PRSS23: variants seen among roughly 807,000 people sequenced by gnomAD.
The protein encoded by PRSS23 is serine protease 23, also known as protease, serine 23.
A neutral mutation model predicts 34.7 loss-of-function variants in PRSS23; 25 were observed. That is an observed-to-expected ratio of 0.72 (90% confidence interval 0.53 to 1.01). PRSS23 has a LOEUF of 1.01. Ranked by LOEUF, PRSS23 falls within the 50% of genes least tolerant of loss-of-function variation. PRSS23 has a pLI of 0.00. For missense variants in PRSS23, 445 were observed against 475.6 expected (o/e 0.94, Z 0.60); for synonymous variants, 176 against 186.6 (o/e 0.94, Z 0.46).
chr11:86,875,664 G>A (rs535265436), intron 2 of PRSS23, among the ~76,000 whole-genome samples: 224 of 152,282 alleles, frequency 1.5e-3, no homozygotes, highest in Non-Finnish European at 1.8e-3. Context: ...AAGCAACTGC[G>A]TAATATAGAA....
At chr11:86,854,094 G>T (rs564775428) in intron 2 of PRSS23, among the ~76,000 whole-genome samples, 1 of 152,108 alleles carries the variant, frequency 6.6e-6, no homozygotes, top group African/African-American at 2.4e-5. Flanking sequence ...TCCGCCTCCC[G>T]GGTTCAAGCC....
intron 2 of PRSS23, among the ~76,000 whole-genome samples, chr11:86,868,932 C>T (rs960033458): frequency 6.6e-6 from 1 of 152,152 alleles, no homozygotes; most frequent in African/African-American, 2.4e-5. Flanking sequence ...CCACCTCAGC[C>T]TTCTGAGTAG....
At chr11:86,799,011 A>T (rs1219481370), upstream of PRSS23, among the ~76,000 whole-genome samples, 1 of 152,196 alleles carries the variant, frequency 6.6e-6, no homozygotes, top group Non-Finnish European at 1.5e-5. Flanking sequence ...TCTATATATT[A>T]ATGTGACATT....
chr11:86,882,306 G>T (rs1010549018), intron 2 of PRSS23, among the ~76,000 whole-genome samples: 2 of 152,158 alleles, frequency 1.3e-5, no homozygotes, highest in East Asian at 1.9e-4. Context: ...TCATCACCCA[G>T]GTATTAAGTC....
chr11:86,920,888 C>T (rs1337215535), intron 2 of PRSS23, among the ~76,000 whole-genome samples: 5 of 152,162 alleles, frequency 3.3e-5, no homozygotes, highest in Non-Finnish European at 7.3e-5. Context: ...AATGATCCTT[C>T]GTCACTGTTG....
At chr11:86,890,637 C>T (rs114505763) in intron 2 of PRSS23, among the ~76,000 whole-genome samples, 1,999 of 152,256 alleles carry the variant, frequency 0.013, 50 homozygotes, top group African/African-American at 0.046. Context: ...AAGTGAAACA[C>T]GGGCTGTACA....
At chr11:86,892,555 CAT>C (rs1476806410) in intron 2 of PRSS23, among the ~76,000 whole-genome samples, 21 of 152,266 alleles carry the variant, frequency 1.4e-4, no homozygotes, top group Admixed American at 1.2e-3. Flanking sequence ...TCCAAATACA[CAT>C]GATATGATGG....
chr11:86,913,155 C>G (rs919806396), intron 2 of PRSS23, among the ~76,000 whole-genome samples: 6 of 151,582 alleles, frequency 4.0e-5, no homozygotes, highest in African/African-American at 1.5e-4. Flanking sequence ...GCCCTTGATC[C>G]CAATTTACAG....
intron 2 of PRSS23, among the ~76,000 whole-genome samples, chr11:86,888,980 T>A (rs780534499): frequency 5.9e-5 from 9 of 152,244 alleles, no homozygotes; most frequent in Non-Finnish European, 1.3e-4. Context: ...GTTGATGTGA[T>A]GCACAAATGC....
chr11:86,795,818 T>G (rs1295246669), upstream of PRSS23, among the ~76,000 whole-genome samples: 1 of 152,222 alleles, frequency 6.6e-6, no homozygotes, highest in Admixed American at 6.5e-5. Flanking sequence ...TGAAACCATA[T>G]GGAAATGATT....
At chr11:86,825,781 A>G (rs1396586880) in intron 2 of PRSS23, among the ~76,000 whole-genome samples, 1 of 150,978 alleles carries the variant, frequency 6.6e-6, no homozygotes, top group Non-Finnish European at 1.5e-5. Context: ...GTCAAAGATC[A>G]GATAGTTGTA....
intron 1 of PRSS23, among the ~76,000 whole-genome samples, chr11:86,822,423 C>T (rs774993778): frequency 3.3e-5 from 5 of 152,062 alleles, no homozygotes; most frequent in Middle Eastern, 3.2e-3. Flanking sequence ...GAGTTTGAGA[C>T]CAGCCTGGGC....
At chr11:86,894,290 A>C (rs1948860894) in intron 2 of PRSS23, among the ~76,000 whole-genome samples, 1 of 152,192 alleles carries the variant, frequency 6.6e-6, no homozygotes, top group Non-Finnish European at 1.5e-5. Flanking sequence ...GATTACAGGC[A>C]TGAGCCACTG....
chr11:86,838,447 C>G (rs559648278), intron 2 of PRSS23, among the ~76,000 whole-genome samples: 2 of 152,132 alleles, frequency 1.3e-5, no homozygotes, highest in South Asian at 4.2e-4. Context: ...GAGTAGCTCA[C>G]AGTGTAAACA....
chr11:86,928,537 T>TATA (rs1397844211), intron 2 of PRSS23, among the ~76,000 whole-genome samples: 1 of 148,122 alleles, frequency 6.8e-6, no homozygotes, highest in African/African-American at 2.5e-5. Context: ...TAGCCGAGCG[T>TATA]GGTGGCAGAC....
rs753009130 is a variant in PRSS23 at position 86,807,612 on chromosome 11, C to T, written c.-13-19C>T. 7.7e-6 allele frequency: 12 copies of T among 1,565,484 alleles called. No individual in the cohort carries two copies. In the South Asian group the frequency reaches 1.4e-4, roughly 19 times the overall value. On this transcript the variant is annotated intron_variant, in intron 1 of 1. Transcript: ENST00000280258. ...GTTCAGCCCTTGCCCTCCTGACCTG[C>T]TTGTCTTTGTTTCTACAGAACAGTG...
intron 2 of PRSS23, among the ~76,000 whole-genome samples, chr11:86,841,386 G>A (rs912901506): frequency 1.1e-4 from 16 of 146,312 alleles, no homozygotes; most frequent in African/African-American, 3.8e-4. Context: ...AAGGACTAGG[G>A]AAGCCAGAGC....
intron 2 of PRSS23, among the ~76,000 whole-genome samples, chr11:86,867,692 C>A (rs1338312339): frequency 6.6e-6 from 1 of 151,942 alleles, no homozygotes; most frequent in Non-Finnish European, 1.5e-5. Context: ...TCAGCCTGGG[C>A]AACATAGTGA....
At chr11:86,952,030 C>A (rs1479938125) in exon 3 of PRSS23, 1 of 1,614,032 alleles carries the variant, frequency 6.2e-7, no homozygotes, top group Admixed American at 1.7e-5. Flanking sequence ...AAGAATCGAT[C>A]AGGAAGGTCA....
Sources: gnomAD v4.1 joint callset for allele counts (sites outside exome capture counted in the v4.1 genomes callset) on GRCh38, gnomAD v4.1.1 for gene constraint, MANE v1.5 for transcripts, NCBI Gene and HGNC (gene_info 2026-07-23, HGNC 2026-07-21) for gene names.